The following B4GALNT1 variants were observed in gnomAD, a reference collection of about 807,000 sequenced individuals.
B4GALNT1 encodes beta-1,4 N-acetylgalactosaminyltransferase 1.
A neutral mutation model predicts 55.2 loss-of-function variants in B4GALNT1; 43 were observed. The observed-to-expected ratio is 0.78, with a 90% CI of 0.61 to 1.00. The LOEUF is 1.00. Ranked by LOEUF, B4GALNT1 falls within the 50% of genes least tolerant of loss-of-function variation. The pLI, the probability that B4GALNT1 is intolerant of heterozygous loss-of-function variation, is 0.00. For synonymous variants in B4GALNT1, 305 were observed against 311.6 expected, an observed-to-expected ratio of 0.98 and a Z score of 0.22; for missense variants, 664 against 729.7, an observed-to-expected ratio of 0.91 and a Z score of 1.04.
intron 4 of B4GALNT1, 118 bp downstream of exon 4, chr12:57,630,862 C>T: frequency 9.9e-7 from 1 of 1,013,406 alleles, no homozygotes; most frequent in Admixed American, 2.1e-5. Flanking sequence ...GCTTAAGTCC[C>T]CCATTCATCA....
Position 57,626,849 on chromosome 12 carries a change from C to G in B4GALNT1, c.1497G>C (p.Glu499Asp). The change falls in exon 11 of 11, where the codon GAG (glutamate) becomes GAC (aspartate). Residue 499 changes from glutamate to aspartate, a missense_variant. By Grantham distance (45) the Glu-to-Asp change is conservative (BLOSUM62 2). Transcript: ENST00000341156. ...CTGGGTAACGGTACCGGGCGTAAGT[C>G]TCTGCTCCGGCATCCCTTGATGTCC... ...LPWTSRDAGA[E>D]TYARYRYPGS... 1 of 1,614,204 alleles carries G rather than the reference C, an allele frequency of 6.2e-7. No individual in the cohort carries two copies. The highest frequency in any genetic ancestry group is 8.5e-7 in the Non-Finnish European group (1 of 1,180,028).
At chr12:57,631,780 C>T in intron 2 of B4GALNT1, 135 bp downstream of exon 2, 2 of 947,512 alleles carry the variant, frequency 2.1e-6, no homozygotes, top group African/African-American at 1.7e-5. Flanking sequence ...CAGCAGCCTC[C>T]CACTTCCACC....
chr12:57,628,480 A>G (rs1884986853), intron 8 of B4GALNT1: 1 of 821,212 alleles, frequency 1.2e-6, no homozygotes, highest in Non-Finnish European at 1.9e-6. Context: ...GCATTTATTT[A>G]TTCATTCATC....
Position 57,626,273 on chromosome 12 carries a change from C to T in B4GALNT1, c.*471G>A, listed in dbSNP as rs1248649911. 2.2e-5 allele frequency: 4 copies of T among 179,404 alleles called. No homozygotes were observed. Among genetic ancestry groups the T allele is most frequent in the East Asian group, 1.5e-4 (1 of 6,604 alleles). 11.1% of individuals were successfully genotyped at this position (179,404 alleles called of 1,614,324 possible). On this transcript the variant is annotated 3_prime_UTR_variant, in exon 11 of 11. Transcript: ENST00000341156. ...ACCAGCCCTCACCCCAGCCCCAGAG[C>T]CACAAGTTCTCTCTGTGGGGGTGGG... is the stretch of plus-strand genomic sequence containing the variant.
intron 2 of B4GALNT1, 45 bp from the exon 3 acceptor site, chr12:57,631,409 G>A: frequency 6.2e-7 from 1 of 1,605,744 alleles, no homozygotes; most frequent in Non-Finnish European, 8.5e-7. Flanking sequence ...CAGCTACACA[G>A]CTCCATTCAT....
At chr12:57,628,421 C>A in intron 8 of B4GALNT1, 159 bp from the exon 9 acceptor site, 1 of 1,113,822 alleles carries the variant, frequency 9.0e-7, no homozygotes, top group Non-Finnish European at 1.3e-6. Context: ...ATGCAGATCC[C>A]CACAGAGGTT....
chr12:57,631,168 T>C, intron 3 of B4GALNT1, 32 bp downstream of exon 3: 8 of 1,613,796 alleles, frequency 5.0e-6, no homozygotes, highest in Non-Finnish European at 6.8e-6. Flanking sequence ...GCTCTCCCCC[T>C]GAGGAGTCAT....
At position 57,624,879 on chromosome 12, in the gene B4GALNT1, C is replaced by T. The variant is rs116545530; in HGVS notation, c.*1865G>A. The T allele has an allele frequency of 3.5e-4, 559 of 1,614,124 alleles. 2 individuals carry two copies. The African/African-American group carries it at 6.6e-3, about 19-fold the overall frequency. The stretch of plus-strand genomic sequence containing the variant: ...TTGACCTCTTAGCTCCTCCAGGTCC[C>T]GGGGCTCTGCATCCTGAGCTATCCA... On this transcript the variant is annotated 3_prime_UTR_variant, in exon 11 of 11. Coordinates refer to ENST00000341156, the MANE Select transcript of B4GALNT1 (RefSeq NM_001478.5).
At chr12:57,629,604 G>A in intron 6 of B4GALNT1, 1 of 532,712 alleles carries the variant, frequency 1.9e-6, no homozygotes, top group Non-Finnish European at 3.1e-6. Flanking sequence ...AGACAAACAA[G>A]TAATGTGATA....
Position 57,627,762 on chromosome 12 carries a change from G to A in B4GALNT1, c.1240C>T (p.Arg414Trp), listed in dbSNP as rs1020205354. ...PGAPGLGNCL[R>W]QRRGFHHELV... Reference sequence around the variant, plus strand: ...TCGTGGTGGAAGCCGCGCCTTTGCCGGAGGCAGTTCCCGAGGCCTGGGGCG... The same window carrying A: ...TCGTGGTGGAAGCCGCGCCTTTGCCAGAGGCAGTTCCCGAGGCCTGGGGCG... The change falls in exon 10 of 11, where the codon CGG (arginine) becomes TGG (tryptophan). Residue 414 changes from arginine to tryptophan, a missense_variant. Transcript: ENST00000341156. 5.0e-6 allele frequency: 8 copies of A among 1,607,590 alleles called. No individual in the cohort carries two copies. In the Admixed American group the frequency reaches 5.1e-5, roughly 10 times the overall value.
At position 57,627,732 on chromosome 12, in the gene B4GALNT1, C is replaced by A. The variant is rs371132455; in HGVS notation, c.1270G>T (p.Val424Phe). Reference sequence around the variant, plus strand: ...GTGACCACGCAGCCTGGGAAGCCGACGAGCTCGTGGTGGAAGCCGCGCCTT... The same window carrying A: ...GTGACCACGCAGCCTGGGAAGCCGAAGAGCTCGTGGTGGAAGCCGCGCCTT... ...RQRRGFHHEL[V>F]GFPGCVVTDG... is the part of the protein sequence containing the mutation. Residue 424 changes from valine (V) to phenylalanine (F), a missense_variant, in exon 10 of 11, where the codon GTC becomes TTC. By Grantham distance (50) the Val-to-Phe change is conservative. Coordinates refer to ENST00000341156, the MANE Select transcript of B4GALNT1 (RefSeq NM_001478.5). The A allele has an allele frequency of 1.2e-6, 2 of 1,611,572 alleles. No individual in the cohort carries two copies. Among genetic ancestry groups the A allele is most frequent in the East Asian group, 2.2e-5 (1 of 44,760 alleles).
chr12:57,627,617 C>T lies in B4GALNT1; in HGVS notation c.1384+1G>A, dbSNP rs1253214941. The T allele has an allele frequency of 1.3e-6, 2 of 1,587,758 alleles. No individual in the cohort carries two copies. Among genetic ancestry groups the T allele is most frequent in the South Asian group, 1.1e-5 (1 of 88,240 alleles). Reference sequence around the variant, plus strand: ...GTCGACCGGGAGGGGGTGCCACTCACCCAGATGAGCCACGCGGCTGAGGCG... The same window carrying T: ...GTCGACCGGGAGGGGGTGCCACTCATCCAGATGAGCCACGCGGCTGAGGCG... On this transcript the variant is annotated splice_donor_variant, in intron 10 of 10. Transcript: ENST00000341156. LOFTEE classifies it high-confidence loss of function.
chr12:57,631,805 A>T, intron 2 of B4GALNT1, 110 bp downstream of exon 2: 3 of 1,139,780 alleles, frequency 2.6e-6, no homozygotes, highest in Non-Finnish European at 3.5e-6. Flanking sequence ...ACTTCACTCC[A>T]CACAGCCCGT....
chr12:57,625,162 A>G lies in B4GALNT1; in HGVS notation c.*1582T>C. The G allele has an allele frequency of 1.2e-6, 2 of 1,613,864 alleles. No individual in the cohort carries two copies. Among genetic ancestry groups the G allele is most frequent in the Non-Finnish European group, 8.5e-7 (1 of 1,179,970 alleles). The stretch of plus-strand genomic sequence containing the variant: ...AGATGGCCCAATGGTTGCAGGTGAG[A>G]TGGGGTGACAAGAAGGAAGATTTGG... On this transcript the variant is annotated 3_prime_UTR_variant, in exon 11 of 11. Transcript: ENST00000341156.
In B4GALNT1 at chr12:57,624,821, G is replaced by A. The variant is rs1210068349; in HGVS notation, c.*1923C>T. On this transcript the variant is annotated 3_prime_UTR_variant, in exon 11 of 11. Coordinates refer to ENST00000341156, the MANE Select transcript of B4GALNT1 (RefSeq NM_001478.5). ...GGGTGGGCTGCAGCCAAAGAAGGAA[G>A]GGAAGATTAGCCCCAGACATTTCTC... is the stretch of plus-strand genomic sequence containing the variant. The A allele has an allele frequency of 1.9e-6, 3 of 1,578,272 alleles. No individual in the cohort carries two copies. Among genetic ancestry groups the A allele is most frequent in the African/African-American group, 2.7e-5 (2 of 74,212 alleles).
intron 1 of B4GALNT1, 59 bp from the exon 2 acceptor site, chr12:57,632,192 G>C: frequency 7.0e-7 from 1 of 1,438,722 alleles, no homozygotes; most frequent in Non-Finnish European, 9.6e-7. Flanking sequence ...GCAAGGGATG[G>C]GGCCCTTGGC....
At chr12:57,628,086 C>T in intron 9 of B4GALNT1, 36 bp downstream of exon 9, 2 of 1,610,888 alleles carry the variant, frequency 1.2e-6, no homozygotes, top group Non-Finnish European at 1.7e-6. Context: ...GTTCAAGGCC[C>T]TTCTCCACCC....
At position 57,628,218 on chromosome 12, in the gene B4GALNT1, G is replaced by T. The variant is rs1884970361; in HGVS notation, c.1047C>A (p.Thr349=). 1.9e-6 allele frequency: 3 copies of T among 1,614,294 alleles called. No individual in the cohort carries two copies. Among genetic ancestry groups the T allele is most frequent in the African/African-American group, 1.3e-5 (1 of 75,088 alleles). Residue 349 remains threonine (T), a synonymous_variant, in exon 9 of 11, where the codon ACC becomes ACA. Coordinates refer to ENST00000341156, the MANE Select transcript of B4GALNT1 (RefSeq NM_001478.5). The part of the protein sequence containing the change: ...GRNLAVSQVT[T]KYVLWVDDDF... ...CGTCGTCCACCCACAGCACGTACTT[G>T]GTGGTTACTTGAGACACGGCCAGGT...
Position 57,625,832 on chromosome 12 carries a change from G to A in B4GALNT1, c.*912C>T. On this transcript the variant is annotated 3_prime_UTR_variant, in exon 11 of 11. Transcript: ENST00000341156. ...AAGAAGAAAAGGGTGGGGACGGAAT[G>A]AATAGTAGATTGAAGACCAAATCAG... The A allele has an allele frequency of 3.5e-6, 5 of 1,413,308 alleles. No homozygotes were observed. The highest frequency in any genetic ancestry group is 4.6e-6 in the Non-Finnish European group (5 of 1,080,548). The allele number at this position is 1,413,308 out of a possible 1,614,324, so 87.5% of individuals were successfully genotyped here.
Sources: allele counts gnomAD v4.1 joint callset, GRCh38; gene constraint gnomAD v4.1.1; transcripts MANE v1.5; gene names NCBI Gene and HGNC (gene_info 2026-07-23, HGNC 2026-07-21).